The following ATRNL1 variants were observed in gnomAD, a reference collection of about 807,000 sequenced individuals.
ATRNL1 encodes attractin like 1, also known as attractin-like protein 1.
A neutral mutation model predicts 182.7 loss-of-function variants in ATRNL1; 95 were observed. The ratio of observed to expected loss-of-function variants is 0.52; its 90% CI spans 0.44 to 0.62. The LOEUF (loss-of-function observed/expected upper bound fraction) is 0.62, where lower values mean the gene tolerates loss of function less well. Ranked by LOEUF, ATRNL1 falls within the 20% of genes least tolerant of loss-of-function variation. The pLI is 0.00. For synonymous variants in ATRNL1, 576 were observed against 568.3 expected (o/e 1.01, Z -0.19); for missense variants, 1,471 against 1,679.5 (o/e 0.88, Z 2.17).
At chr10:115,141,453 G>A (rs1554878060) in intron 5 of ATRNL1, among the ~76,000 whole-genome samples, 1 of 152,042 alleles carries the variant, frequency 6.6e-6, no homozygotes, top group Non-Finnish European at 1.5e-5. Flanking sequence ...TTGCCATTGG[G>A]TGGCAGTATT....
intron 19 of ATRNL1, among the ~76,000 whole-genome samples, chr10:115,382,730 A>G (rs1439451999): frequency 2.0e-5 from 3 of 149,836 alleles, no homozygotes; most frequent in Non-Finnish European, 3.0e-5. Context: ...TGGTTTGATA[A>G]GAATCTCCAG....
intron 27 of ATRNL1, among the ~76,000 whole-genome samples, chr10:115,845,566 T>C (rs1344519795): frequency 7.2e-5 from 11 of 152,202 alleles, no homozygotes; most frequent in African/African-American, 2.4e-4. Flanking sequence ...GGCAGAAAGA[T>C]AGCCTGGCAA....
intron 17 of ATRNL1, 82 bp downstream of exon 17, chr10:115,302,125 T>G: frequency 1.5e-6 from 2 of 1,292,916 alleles, no homozygotes; most frequent in Non-Finnish European, 2.1e-6. Context: ...ATTAAATATT[T>G]GAAGAAGTTT....
chr10:115,287,922 C>CTTTTTTTTTTTTT (rs1564882629), intron 15 of ATRNL1, among the ~76,000 whole-genome samples: 1 of 128,464 alleles, frequency 7.8e-6, no homozygotes. Context: ...ATAAGATCAA[C>CTTTTTTTTTTTTT]TGTTTTTTTT....
chr10:115,287,334 G>A (rs782249138), intron 15 of ATRNL1, among the ~76,000 whole-genome samples: 56 of 151,920 alleles, frequency 3.7e-4, no homozygotes, highest in Non-Finnish European at 7.5e-4. Flanking sequence ...ATTTATTTTT[G>A]AGAGTTAACT....
chr10:115,437,287 G>T (rs1379769354), intron 21 of ATRNL1, among the ~76,000 whole-genome samples: 2 of 152,042 alleles, frequency 1.3e-5, no homozygotes, highest in East Asian at 1.9e-4. Context: ...TATAGAACAT[G>T]TAAGATACGG....
At position 115,171,030 on chromosome 10, in the gene ATRNL1, T is replaced by C. The variant is rs1847268592; in HGVS notation, c.1093-7T>C. ...TTATCTATTAATATATGTATTTTAATTTACAGGAAAACATCTTTATGTATG... is the reference window on the plus strand; with the variant it reads ...TTATCTATTAATATATGTATTTTAACTTACAGGAAAACATCTTTATGTATG... On this transcript the variant is annotated splice_polypyrimidine_tract_variant and splice_region_variant and intron_variant, in intron 7 of 28. Coordinates refer to ENST00000355044, the MANE Select transcript of ATRNL1 (RefSeq NM_207303.4). The C allele has an allele frequency of 2.0e-6, 3 of 1,497,146 alleles. No homozygotes were observed. Among genetic ancestry groups the C allele is most frequent in the African/African-American group, 1.4e-5 (1 of 71,800 alleles). The allele number at this position is 1,497,146 out of a possible 1,614,324, so 92.7% of individuals were successfully genotyped here. A position where few individuals can be genotyped will look rare whatever the true frequency, so the allele number is the denominator to read the frequency against.
chr10:115,544,830 C>T lies in ATRNL1; in HGVS notation c.3717-4628C>T, dbSNP rs77474904. ...AGGTGTCCAAGATTGTCAATAAAGA[C>T]GGAGACTCTCTAGTAGTCACCAAAG... On this transcript the variant is annotated intron_variant, in intron 25 of 28. Transcript: ENST00000355044. Among the ~76,000 whole-genome samples the T allele has an allele frequency of 8.4e-3, 1,272 of 152,224 alleles. 17 individuals carry two copies. The highest frequency in any genetic ancestry group is 0.029 in the African/African-American group (1,210 of 41,532).
At chr10:115,226,243 C>A (rs1172255357) in intron 9 of ATRNL1, among the ~76,000 whole-genome samples, 2 of 151,920 alleles carry the variant, frequency 1.3e-5, no homozygotes, top group Non-Finnish European at 2.9e-5. Context: ...CTCACATCAT[C>A]ATAAACAAAG....
At chr10:115,119,040 C>T (rs549750069) in intron 1 of ATRNL1, among the ~76,000 whole-genome samples, 3 of 152,116 alleles carry the variant, frequency 2.0e-5, no homozygotes, top group Non-Finnish European at 4.4e-5. Flanking sequence ...TTAAATGAGG[C>T]AACACATTGT....
chr10:115,822,390 A>G (rs1028971018), intron 27 of ATRNL1, among the ~76,000 whole-genome samples: 4 of 152,206 alleles, frequency 2.6e-5, no homozygotes, highest in Admixed American at 1.3e-4. Flanking sequence ...AAGAGCAAAC[A>G]AATTCAAAAG....
At chr10:115,806,801 A>T (rs1565396045) in intron 27 of ATRNL1, among the ~76,000 whole-genome samples, 1 of 152,156 alleles carries the variant, frequency 6.6e-6, no homozygotes, top group Non-Finnish European at 1.5e-5. Flanking sequence ...TATGTTTAAG[A>T]TGCAAATTAT....
At chr10:115,550,149 A>G (rs1852883771) in intron 26 of ATRNL1, among the ~76,000 whole-genome samples, 1 of 151,902 alleles carries the variant, frequency 6.6e-6, no homozygotes, top group Non-Finnish European at 1.5e-5. Flanking sequence ...CGTTAATCGA[A>G]AGGAACGAAG....
chr10:115,117,947 G>A (rs1237313868), intron 1 of ATRNL1, among the ~76,000 whole-genome samples: 2 of 152,104 alleles, frequency 1.3e-5, no homozygotes, highest in African/African-American at 2.4e-5. Flanking sequence ...TTTCTGTGAT[G>A]ATCAGTGATG....
chr10:115,839,866 A>T (rs1950763490), intron 27 of ATRNL1, among the ~76,000 whole-genome samples: 1 of 152,320 alleles, frequency 6.6e-6, no homozygotes, highest in East Asian at 1.9e-4. Context: ...GGCCTTCTAC[A>T]TTAATGAATG....
chr10:115,352,245 C>T (rs1435232340), intron 19 of ATRNL1, among the ~76,000 whole-genome samples: 1 of 151,164 alleles, frequency 6.6e-6, no homozygotes, highest in Non-Finnish European at 1.5e-5. Flanking sequence ...GTTATTTTTT[C>T]CCAAATAACT....
chr10:115,094,153 G>A lies in ATRNL1; in HGVS notation c.293+110G>A, dbSNP rs1265245832. On this transcript the variant is annotated intron_variant, in intron 1 of 28. Transcript: ENST00000355044. ...CCCCCGTCGCTGCCTCTGATCCCCC[G>A]GCCGTGAGTGAACCTCAGCGCGCGG... 7 of 1,118,504 alleles carry A rather than the reference G, an allele frequency of 6.3e-6. No individual in the cohort carries two copies. In the East Asian group the frequency reaches 9.7e-5, roughly 16 times the overall value. 69.3% of individuals were successfully genotyped at this position (1,118,504 alleles called of 1,614,324 possible).
At chr10:115,421,731 T>C (rs1408281839) in intron 20 of ATRNL1, among the ~76,000 whole-genome samples, 1 of 152,020 alleles carries the variant, frequency 6.6e-6, no homozygotes, top group Non-Finnish European at 1.5e-5. Context: ...AGAGCTCGAG[T>C]AGCCAAGGTA....
At chr10:115,205,317 A>G (rs1053512348) in intron 8 of ATRNL1, among the ~76,000 whole-genome samples, 1 of 151,790 alleles carries the variant, frequency 6.6e-6, no homozygotes, top group Non-Finnish European at 1.5e-5. Flanking sequence ...GTTGCCTTCT[A>G]ATTGACAGTT....
Sources: allele counts gnomAD v4.1 joint callset (sites outside exome capture counted in the v4.1 genomes callset), GRCh38; gene constraint gnomAD v4.1.1; transcripts MANE v1.5; gene names NCBI Gene and HGNC (gene_info 2026-07-23, HGNC 2026-07-21).